PHF20: variants seen among roughly 807,000 people sequenced by gnomAD.
PHF20 encodes the protein PHD finger protein 20.
Under a neutral mutation model 113.5 loss-of-function variants are expected in PHF20, and 23 were observed. The observed-to-expected ratio is 0.20, with a 90% CI of 0.15 to 0.29. The LOEUF is 0.29. Ranked by LOEUF, PHF20 falls within the 10% of genes least tolerant of loss-of-function variation. PHF20 has a pLI of 1.00. For synonymous variants in PHF20, 434 were observed against 457.3 expected, an observed-to-expected ratio of 0.95 and a Z score of 0.65; for missense variants, 943 against 1,219.6, an observed-to-expected ratio of 0.77 and a Z score of 3.38.
chr20:35,799,664 GTTC>G (rs2041740128), intron 1 of PHF20, among the ~76,000 whole-genome samples: 1 of 150,894 alleles, frequency 6.6e-6, no homozygotes, highest in African/African-American at 2.4e-5. Context: ...CACAAGAAGT[GTTC>G]TTTTTTTTTT....
chr20:35,918,733 A>G (rs2055452702), intron 13 of PHF20, among the ~76,000 whole-genome samples: 1 of 152,170 alleles, frequency 6.6e-6, no homozygotes, highest in African/African-American at 2.4e-5. Context: ...TTATGGATCA[A>G]ATGCTCTCCC....
intron 11 of PHF20, 27 bp from the exon 12 acceptor site, chr20:35,914,006 C>A (rs760543310): frequency 5.6e-6 from 9 of 1,611,036 alleles, no homozygotes; most frequent in Non-Finnish European, 8.5e-7. Context: ...TAGGGTTATT[C>A]ATTCCTTCCT....
At chr20:35,900,430 G>A (rs1454546830) in intron 10 of PHF20, among the ~76,000 whole-genome samples, 1 of 152,152 alleles carries the variant, frequency 6.6e-6, no homozygotes, top group Non-Finnish European at 1.5e-5. Flanking sequence ...ATACAATCAG[G>A]TTTCAGGACA....
intron 2 of PHF20, among the ~76,000 whole-genome samples, chr20:35,820,065 GAGTCTAGCT>G (rs1297164915): frequency 6.6e-6 from 1 of 152,188 alleles, no homozygotes; most frequent in Non-Finnish European, 1.5e-5. Flanking sequence ...TTTAGGATTT[GAGTCTAGCT>G]AGTTGGCTTC....
chr20:35,847,314 G>T (rs760838512), intron 3 of PHF20, 36 bp from the exon 4 acceptor site: 1 of 1,382,742 alleles, frequency 7.2e-7, no homozygotes, highest in South Asian at 1.2e-5. Context: ...AATTAGGTTG[G>T]TAACAGGATC....
rs1470672417 is a variant in PHF20, at chr20:35,923,722, C to T, written c.2005-4058C>T. On this transcript the variant is annotated intron_variant, in intron 13 of 17. Coordinates refer to ENST00000374012, the MANE Select transcript of PHF20 (RefSeq NM_016436.5). Reference sequence around the variant, plus strand: ...CTTTTAAAAATTTTTTGGTAAAATACACATAACATTAAAAGTTACCCTTTT... The same window carrying T: ...CTTTTAAAAATTTTTTGGTAAAATATACATAACATTAAAAGTTACCCTTTT... Among the ~76,000 whole-genome samples the T allele has an allele frequency of 2.6e-5, 4 of 152,074 alleles. No homozygotes were observed. In the East Asian group the frequency reaches 7.7e-4, roughly 29 times the overall value.
chr20:35,803,783 C>T (rs1245453230), intron 2 of PHF20, among the ~76,000 whole-genome samples: 1 of 149,712 alleles, frequency 6.7e-6, no homozygotes, highest in Non-Finnish European at 1.5e-5. Flanking sequence ...TATCATACAA[C>T]TTGTTTTTTT....
chr20:35,897,047 T>C (rs1340551330), intron 9 of PHF20, among the ~76,000 whole-genome samples: 1 of 152,032 alleles, frequency 6.6e-6, no homozygotes, highest in Non-Finnish European at 1.5e-5. Context: ...TATTCATACA[T>C]TTTTGAGACA....
At chr20:35,859,741 C>T (rs1362168755) in intron 5 of PHF20, among the ~76,000 whole-genome samples, 1 of 152,072 alleles carries the variant, frequency 6.6e-6, no homozygotes, top group Non-Finnish European at 1.5e-5. Context: ...GACAGGGTTT[C>T]ACCACGTTGT....
chr20:35,911,445 G>T (rs893143566), intron 10 of PHF20, among the ~76,000 whole-genome samples: 107 of 152,174 alleles, frequency 7.0e-4, no homozygotes, highest in African/African-American at 2.4e-3. Context: ...TCAGTTTGGG[G>T]CGATTACAAC....
At chr20:35,774,173 C>G (rs2041125312) in intron 1 of PHF20, among the ~76,000 whole-genome samples, 1 of 151,802 alleles carries the variant, frequency 6.6e-6, no homozygotes, top group Admixed American at 6.6e-5. Context: ...AGCTCCGCCT[C>G]CCGGGTTCAC....
At chr20:35,786,031 C>CAA (rs1289907333) in intron 1 of PHF20, among the ~76,000 whole-genome samples, 5 of 75,188 alleles carry the variant, frequency 6.7e-5, no homozygotes, top group Non-Finnish European at 1.0e-4. Context: ...AACTCCATCT[C>CAA]AAAAAAAAAA....
chr20:35,860,672 C>T (rs891324041), intron 5 of PHF20, among the ~76,000 whole-genome samples: 1 of 152,086 alleles, frequency 6.6e-6, no homozygotes, highest in African/African-American at 2.4e-5. Context: ...GATGCTTTTT[C>T]TTTGTTCACT....
At chr20:35,890,344 G>C (rs1256258041) in intron 9 of PHF20, among the ~76,000 whole-genome samples, 1 of 152,098 alleles carries the variant, frequency 6.6e-6, no homozygotes, top group East Asian at 1.9e-4. Context: ...TTAAAATGTA[G>C]GATATTTTTG....
chr20:35,857,643 T>C (rs1487160366), intron 4 of PHF20, among the ~76,000 whole-genome samples: 4 of 139,048 alleles, frequency 2.9e-5, no homozygotes, highest in African/African-American at 1.1e-4. Flanking sequence ...TGGAGTGCGA[T>C]GGCAGGATCT....
chr20:35,816,510 C>T (rs373628804), intron 2 of PHF20, among the ~76,000 whole-genome samples: 7 of 149,548 alleles, frequency 4.7e-5, no homozygotes, highest in East Asian at 3.9e-4. Context: ...AGTGCAATGG[C>T]GCAATCTCCG....
chr20:35,817,720 C>T (rs76037991), intron 2 of PHF20, among the ~76,000 whole-genome samples: 7,277 of 152,062 alleles, frequency 0.048, 214 homozygotes, highest in African/African-American at 0.089. Flanking sequence ...CCTTTGAGCC[C>T]GGGAAGCGGA....
chr20:35,900,798 C>T (rs2055080567), intron 10 of PHF20, among the ~76,000 whole-genome samples: 1 of 152,172 alleles, frequency 6.6e-6, no homozygotes, highest in Non-Finnish European at 1.5e-5. Flanking sequence ...GATCATGCCA[C>T]TGCACTCCAG....
chr20:35,862,803 C>T (rs766208546), intron 5 of PHF20, among the ~76,000 whole-genome samples: 4 of 152,178 alleles, frequency 2.6e-5, no homozygotes, highest in African/African-American at 4.8e-5. Flanking sequence ...AGGGAGATTG[C>T]ACTGTCTCCG....
Sources: allele counts gnomAD v4.1 joint callset (sites outside exome capture counted in the v4.1 genomes callset), GRCh38; gene constraint gnomAD v4.1.1; transcripts MANE v1.5; gene names NCBI Gene and HGNC (gene_info 2026-07-23, HGNC 2026-07-21).